MACROD2: variants seen among roughly 807,000 people sequenced by gnomAD.
The protein encoded by MACROD2 is ADP-ribose glycohydrolase MACROD2.
MACROD2 carries 36 observed loss-of-function variants against 70.4 expected under a neutral mutation model. The ratio of observed to expected loss-of-function variants is 0.51; its 90% CI spans 0.39 to 0.68. The LOEUF (loss-of-function observed/expected upper bound fraction) is 0.68. Ranked by LOEUF, MACROD2 falls within the 30% of genes least tolerant of loss-of-function variation. The pLI is 0.00. For synonymous variants in MACROD2, 172 were observed against 178.8 expected (o/e 0.96, Z 0.30); for missense variants, 496 against 538.4 (o/e 0.92, Z 0.78).
chr20:15,299,438 A>G (rs1351343004), intron 6 of MACROD2, among the ~76,000 whole-genome samples: 4 of 152,252 alleles, frequency 2.6e-5, no homozygotes, highest in Non-Finnish European at 5.9e-5. Context: ...TCCTAATTCA[A>G]CAAAGAGAGA....
At chr20:14,245,044 G>A (rs2081957924) in intron 3 of MACROD2, among the ~76,000 whole-genome samples, 1 of 152,166 alleles carries the variant, frequency 6.6e-6, no homozygotes. Flanking sequence ...TGAGTAGACT[G>A]AAACTAAGAC....
intron 8 of MACROD2, among the ~76,000 whole-genome samples, chr20:15,639,905 C>CAGGGAGAGAAGGAGAGAAAGAGAGAG (rs1466368762): frequency 1.0e-4 from 15 of 146,566 alleles, no homozygotes; most frequent in African/African-American, 3.8e-4. Flanking sequence ...AGAAAAAGGA[C>CAGGGAGAGAAGGAGAGAAAGAGAGAG]AGGGAGAGAA....
At chr20:15,741,774 T>C (rs1412973516) in intron 8 of MACROD2, among the ~76,000 whole-genome samples, 1 of 152,166 alleles carries the variant, frequency 6.6e-6, no homozygotes, top group Non-Finnish European at 1.5e-5. Context: ...ATGTTTAGTC[T>C]GACTCACTCC....
intron 5 of MACROD2, among the ~76,000 whole-genome samples, chr20:15,092,977 G>A (rs913389262): frequency 5.9e-5 from 9 of 152,114 alleles, no homozygotes; most frequent in African/African-American, 1.9e-4. Context: ...TAGTTGGATA[G>A]AGTTTTATTC....
At chr20:15,294,793 C>T (rs2077571524) in intron 6 of MACROD2, among the ~76,000 whole-genome samples, 1 of 152,092 alleles carries the variant, frequency 6.6e-6, no homozygotes, top group African/African-American at 2.4e-5. Context: ...GACAGAAAAC[C>T]AGAAGCCAGT....
chr20:14,195,499 C>T (rs2081423135), intron 3 of MACROD2, among the ~76,000 whole-genome samples: 1 of 152,018 alleles, frequency 6.6e-6, no homozygotes, highest in Non-Finnish European at 1.5e-5. Flanking sequence ...TGAGGACAGG[C>T]ATTTTTGTTT....
intron 3 of MACROD2, among the ~76,000 whole-genome samples, chr20:14,448,975 CA>C (rs1442953732): frequency 6.6e-6 from 1 of 152,018 alleles, no homozygotes; most frequent in African/African-American, 2.4e-5. Context: ...GAATTATTAA[CA>C]AATCTATAAT....
intron 2 of MACROD2, among the ~76,000 whole-genome samples, chr20:14,010,652 CTGG>C (rs1445268689): frequency 6.6e-6 from 1 of 150,662 alleles, no homozygotes; most frequent in Non-Finnish European, 1.5e-5. Flanking sequence ...GGCACTGCAT[CTGG>C]TATGTCTTCT....
At chr20:14,003,530 T>C (rs1365187813) in intron 2 of MACROD2, 1 of 292,990 alleles carries the variant, frequency 3.4e-6, no homozygotes. Context: ...ATGCAAGTTG[T>C]TTTAAGAATG....
intron 8 of MACROD2, among the ~76,000 whole-genome samples, chr20:15,502,969 A>C (rs2047382543): frequency 6.6e-6 from 1 of 152,214 alleles, no homozygotes. Flanking sequence ...TCTACAAAGG[A>C]ATGATGTATA....
intron 8 of MACROD2, among the ~76,000 whole-genome samples, chr20:15,627,241 A>C (rs900944644): frequency 2.0e-5 from 3 of 150,894 alleles, no homozygotes; most frequent in Non-Finnish European, 3.0e-5. Context: ...AAAAAAAAAA[A>C]AAAAAAACTG....
intron 6 of MACROD2, among the ~76,000 whole-genome samples, chr20:15,413,630 TA>T (rs1336209498): frequency 6.6e-6 from 1 of 152,106 alleles, no homozygotes; most frequent in African/African-American, 2.4e-5. Flanking sequence ...AGTGGGATTT[TA>T]AAAAAATTGT....
At chr20:15,054,992 C>T (rs2075473033) in intron 5 of MACROD2, among the ~76,000 whole-genome samples, 1 of 134,934 alleles carries the variant, frequency 7.4e-6, no homozygotes, top group South Asian at 2.2e-4. Context: ...TCTTGTTGCT[C>T]AGGCTGGAGT....
intron 8 of MACROD2, among the ~76,000 whole-genome samples, chr20:15,503,523 C>T (rs6110634): frequency 0.47 from 71,396 of 151,986 alleles, 16,873 homozygotes; most frequent in Middle Eastern, 0.51. Context: ...GAACTACATT[C>T]TTAAAAAAAG....
At chr20:14,996,841 G>T in intron 5 of MACROD2, among the ~76,000 whole-genome samples, 1 of 151,994 alleles carries the variant, frequency 6.6e-6, no homozygotes, top group East Asian at 1.9e-4. Flanking sequence ...CACACCAGCA[G>T]GCGGGTTTGA....
chr20:15,652,348 T>C (rs6110707), intron 8 of MACROD2, among the ~76,000 whole-genome samples: 48,879 of 152,130 alleles, frequency 0.32, 10,712 homozygotes, highest in African/African-American at 0.62. Flanking sequence ...TCAATGCATA[T>C]ATTCACATTA....
At chr20:14,575,029 A>G (rs2123329714) in intron 4 of MACROD2, among the ~76,000 whole-genome samples, 1 of 132,222 alleles carries the variant, frequency 7.6e-6, no homozygotes, top group African/African-American at 2.7e-5. Flanking sequence ...AAAAAAAAAA[A>G]AAAAAAAAAA....
chr20:14,301,593 A>G (rs1240199546), intron 3 of MACROD2, among the ~76,000 whole-genome samples: 1 of 152,212 alleles, frequency 6.6e-6, no homozygotes, highest in Non-Finnish European at 1.5e-5. Context: ...TGAATGGTGA[A>G]TAGTTGGTTC....
chr20:15,369,060 G>A (rs1249616652), intron 6 of MACROD2, among the ~76,000 whole-genome samples: 1 of 152,096 alleles, frequency 6.6e-6, no homozygotes, highest in Non-Finnish European at 1.5e-5. Flanking sequence ...TTCCTGATAG[G>A]AGAGATTCTA....
Sources: gnomAD v4.1 joint callset for allele counts (sites outside exome capture counted in the v4.1 genomes callset) on GRCh38, gnomAD v4.1.1 for gene constraint, MANE v1.5 for transcripts, NCBI Gene and HGNC (gene_info 2026-07-23, HGNC 2026-07-21) for gene names.